PMM2: variants seen among roughly 807,000 people sequenced by gnomAD.
PMM2 encodes the protein phosphomannomutase 2, also known as mannose-6-phosphate isomerase.
In PMM2, 35 loss-of-function variants were observed where a neutral mutation model predicts 33.2. The observed-to-expected ratio is 1.06, with a 90% CI of 0.81 to 1.40. The LOEUF (loss-of-function observed/expected upper bound fraction) is 1.40. Ranked by LOEUF, PMM2 falls within the 40% of genes most tolerant of loss-of-function variation. The pLI is 0.00. For synonymous variants in PMM2, 153 were observed against 114.7 expected (o/e 1.33, Z -2.13); for missense variants, 386 against 306.0 (o/e 1.26, Z -1.95).
chr16:8,847,901 CCA>C lies in PMM2; in HGVS notation c.*80_*81del, dbSNP rs1300803781. ...TCGGTGGCCAGAGCCGAGGGTCCTC[CCA>C]CACGTGCTCACCCACCCGCAGCCTA... On this transcript the variant is annotated 3_prime_UTR_variant, in exon 8 of 8. Coordinates refer to ENST00000268261, the MANE Select transcript of PMM2 (RefSeq NM_000303.3). 8.8e-7 allele frequency: 1 copy of C among 1,131,300 alleles called. No individual in the cohort carries two copies. The highest frequency in any genetic ancestry group is 1.3e-6 in the Non-Finnish European group (1 of 757,672). The allele number at this position is 1,131,300 out of a possible 1,614,324, so 70.1% of individuals were successfully genotyped here. A position where few individuals can be genotyped will look rare whatever the true frequency, so the allele number is the denominator to read the frequency against.
At position 8,845,531 on chromosome 16, in the gene PMM2, G is replaced by A. The variant is rs543831403; in HGVS notation, c.640-2193G>A. Among the ~76,000 whole-genome samples, 3 of 152,208 alleles carry A rather than the reference G, an allele frequency of 2.0e-5. No individual in the cohort carries two copies. In the East Asian group the frequency reaches 5.8e-4, roughly 29 times the overall value. On this transcript the variant is annotated intron_variant, in intron 7 of 7. Coordinates refer to ENST00000268261, the MANE Select transcript of PMM2 (RefSeq NM_000303.3). The stretch of plus-strand genomic sequence containing the variant: ...CCCTCCTCAGTCACTGAGGCGGGGA[G>A]GGTGTTTGGCTCTTTTGAGGCATGT...
chr16:8,814,461 TC>T, intron 7 of PMM2, among the ~76,000 whole-genome samples: 1 of 152,174 alleles, frequency 6.6e-6, no homozygotes, highest in Non-Finnish European at 1.5e-5. Context: ...TGATCTCTGG[TC>T]CACTCCAAAA....
At chr16:8,844,593 T>G (rs971205089) in intron 7 of PMM2, among the ~76,000 whole-genome samples, 2 of 152,184 alleles carry the variant, frequency 1.3e-5, no homozygotes, top group African/African-American at 4.8e-5. Flanking sequence ...CGCTAAGGGT[T>G]ATGGACCAAG....
At chr16:8,820,816 G>C (rs935408532) in intron 7 of PMM2, among the ~76,000 whole-genome samples, 3 of 152,152 alleles carry the variant, frequency 2.0e-5, no homozygotes, top group Non-Finnish European at 2.9e-5. Flanking sequence ...TTATTCAAAG[G>C]CTCATCTGTT....
intron 7 of PMM2, among the ~76,000 whole-genome samples, chr16:8,840,473 A>G (rs1357477680): frequency 6.6e-6 from 1 of 152,034 alleles, no homozygotes; most frequent in Non-Finnish European, 1.5e-5. Flanking sequence ...AGAAGATAGT[A>G]GGGATGACTA....
At chr16:8,828,481 AG>A (rs1191839565) in intron 7 of PMM2, among the ~76,000 whole-genome samples, 12 of 152,304 alleles carry the variant, frequency 7.9e-5, no homozygotes, top group Admixed American at 3.3e-4. Context: ...CTGGGAATCC[AG>A]GACTTTACTC....
intron 7 of PMM2, among the ~76,000 whole-genome samples, chr16:8,838,592 T>C (rs1321229778): frequency 6.6e-6 from 1 of 151,748 alleles, no homozygotes. Flanking sequence ...TAAGGGGTGA[T>C]ATTGTGGGGA....
chr16:8,844,771 G>T (rs930159132), intron 7 of PMM2, among the ~76,000 whole-genome samples: 6 of 152,124 alleles, frequency 3.9e-5, no homozygotes, highest in Non-Finnish European at 7.4e-5. Flanking sequence ...GAAAATGAAA[G>T]GAATTGAAAT....
At position 8,801,897 on chromosome 16, in the gene PMM2, A is replaced by G. The variant is rs374005146; in HGVS notation, c.165A>G (p.Gln55=). Residue 55 remains glutamine (Q), a synonymous_variant, in exon 2 of 8, where the codon CAA becomes CAG. Coordinates refer to ENST00000268261, the MANE Select transcript of PMM2 (RefSeq NM_000303.3). Reference sequence around the variant, plus strand: ...CGGACTTTGAGAAAGTGCAGGAGCAACTGGGAAATGATGGTAAATGATGGG... The same window carrying G: ...CGGACTTTGAGAAAGTGCAGGAGCAGCTGGGAAATGATGGTAAATGATGGG... ...GGSDFEKVQE[Q]LGNDVVEKYD... The G allele has an allele frequency of 1.9e-6, 3 of 1,604,518 alleles. No homozygotes were observed. Among genetic ancestry groups the G allele is most frequent in the Non-Finnish European group, 2.6e-6 (3 of 1,172,066 alleles).
At chr16:8,838,579 T>C (rs1238443968) in intron 7 of PMM2, among the ~76,000 whole-genome samples, 1 of 151,734 alleles carries the variant, frequency 6.6e-6, no homozygotes, top group African/African-American at 2.4e-5. Context: ...GGAGGTCTTG[T>C]GGTAAGGGGT....
intron 7 of PMM2, among the ~76,000 whole-genome samples, chr16:8,817,372 G>A (rs570211920): frequency 1.7e-4 from 26 of 152,306 alleles, no homozygotes; most frequent in African/African-American, 6.0e-4. Flanking sequence ...AGGGATGCCC[G>A]GAAGCTTCCT....
At chr16:8,846,174 T>C (rs1472706532) in intron 7 of PMM2, among the ~76,000 whole-genome samples, 2 of 152,174 alleles carry the variant, frequency 1.3e-5, no homozygotes, top group Non-Finnish European at 2.9e-5. Flanking sequence ...CGTTCCCTCC[T>C]GAAGCCTGAA....
chr16:8,824,070 A>G (rs781502745), intron 7 of PMM2, among the ~76,000 whole-genome samples: 2 of 152,238 alleles, frequency 1.3e-5, no homozygotes, highest in Non-Finnish European at 2.9e-5. Flanking sequence ...ATTCTGGAGA[A>G]ATCAGAGAGA....
At chr16:8,844,031 T>C (rs1370114788) in intron 7 of PMM2, among the ~76,000 whole-genome samples, 1 of 152,184 alleles carries the variant, frequency 6.6e-6, no homozygotes, top group Non-Finnish European at 1.5e-5. Context: ...AAAGAATGCC[T>C]GGACATCAGG....
At chr16:8,804,560 A>C (rs968163097) in intron 2 of PMM2, among the ~76,000 whole-genome samples, 3 of 152,286 alleles carry the variant, frequency 2.0e-5, no homozygotes, top group African/African-American at 7.2e-5. Context: ...CTGCCCAGTC[A>C]TCATCGTTTA....
At chr16:8,846,927 G>A (rs1043560304) in intron 7 of PMM2, among the ~76,000 whole-genome samples, 2 of 152,054 alleles carry the variant, frequency 1.3e-5, no homozygotes, top group Admixed American at 6.6e-5. Context: ...GCAGTGGTGC[G>A]ATCTCGGCTT....
chr16:8,837,020 G>A (rs1596502922), intron 7 of PMM2, among the ~76,000 whole-genome samples: 1 of 152,004 alleles, frequency 6.6e-6, no homozygotes, highest in African/African-American at 2.4e-5. Flanking sequence ...GGGTGGAGGA[G>A]CGGAGGCTGA....
chr16:8,799,982 T>C (rs1279559349), intron 1 of PMM2, among the ~76,000 whole-genome samples: 2 of 152,236 alleles, frequency 1.3e-5, no homozygotes, highest in Non-Finnish European at 2.9e-5. Context: ...TAAAAAAGTT[T>C]TTTAAAGAAA....
chr16:8,820,351 C>CTTTTTT (rs545958069), intron 7 of PMM2, among the ~76,000 whole-genome samples: 6 of 133,176 alleles, frequency 4.5e-5, no homozygotes, highest in African/African-American at 1.6e-4. Context: ...CACAGTTCTT[C>CTTTTTT]TTTTTTTTTT....
Sources: allele counts gnomAD v4.1 joint callset (sites outside exome capture counted in the v4.1 genomes callset), GRCh38; gene constraint gnomAD v4.1.1; transcripts MANE v1.5; gene names NCBI Gene and HGNC (gene_info 2026-07-23, HGNC 2026-07-21).